Variants in ADAMTSL1 observed in about 807,000 individuals in gnomAD.
ADAMTSL1 encodes ADAMTS like 1.
ADAMTSL1 carries 126 observed loss-of-function variants against 201.8 expected under a neutral mutation model. The ratio of observed to expected loss-of-function variants is 0.62; its 90% CI spans 0.54 to 0.72. The LOEUF is 0.72. ADAMTSL1 is among the 30% of genes least tolerant of loss of function. The pLI, the probability that ADAMTSL1 is intolerant of heterozygous loss-of-function variation, is 0.00. For synonymous variants in ADAMTSL1, 1,121 were observed against 903.4 expected, an observed-to-expected ratio of 1.24 and a Z score of -4.32; for missense variants, 2,679 against 2,277.8, an observed-to-expected ratio of 1.18 and a Z score of -3.59.
At chr9:18,274,020 C>T (rs1267066983) in intron 2 of ADAMTSL1, among the ~76,000 whole-genome samples, 1 of 152,114 alleles carries the variant, frequency 6.6e-6, no homozygotes, top group African/African-American at 2.4e-5. Context: ...ATTTAAATGA[C>T]CTATTTAAAC....
chr9:17,908,765 C>A (rs1478283339), intron 1 of ADAMTSL1, among the ~76,000 whole-genome samples: 4 of 152,178 alleles, frequency 2.6e-5, no homozygotes, highest in Non-Finnish European at 2.9e-5. Flanking sequence ...GCCAATGTGA[C>A]TTGTTTTATA....
intron 2 of ADAMTSL1, among the ~76,000 whole-genome samples, chr9:18,394,319 C>T (rs2859767): frequency 0.16 from 23,841 of 152,090 alleles, 2,000 homozygotes; most frequent in South Asian, 0.24. Context: ...GGTTAGATGC[C>T]TAATTCCAAT....
chr9:17,970,642 T>C (rs1204426930), intron 1 of ADAMTSL1, among the ~76,000 whole-genome samples: 2 of 152,068 alleles, frequency 1.3e-5, no homozygotes, highest in Non-Finnish European at 2.9e-5. Flanking sequence ...TTCTACATGT[T>C]CCTCCTTACC....
intron 2 of ADAMTSL1, among the ~76,000 whole-genome samples, chr9:18,328,740 GTATAAC>G (rs1297716057): frequency 6.6e-6 from 1 of 152,174 alleles, no homozygotes; most frequent in Non-Finnish European, 1.5e-5. Flanking sequence ...GGAATAGTTT[GTATAAC>G]TATGAGTTTT....
At chr9:18,557,734 G>A (rs1198052089) in intron 3 of ADAMTSL1, among the ~76,000 whole-genome samples, 1 of 152,010 alleles carries the variant, frequency 6.6e-6, no homozygotes, top group Non-Finnish European at 1.5e-5. Context: ...GCTCTAGAAA[G>A]TGCCTTTTTC....
At chr9:18,820,927 G>C (rs1824172126) in intron 21 of ADAMTSL1, among the ~76,000 whole-genome samples, 1 of 152,188 alleles carries the variant, frequency 6.6e-6, no homozygotes, top group African/African-American at 2.4e-5. Context: ...GGTAGAAAGA[G>C]CATGCTGCAT....
exon 1 of ADAMTSL1, chr9:17,906,817 G>C (rs1012758652): frequency 6.6e-6 from 1 of 152,132 alleles, no homozygotes; most frequent in Non-Finnish European, 1.5e-5. Flanking sequence ...GACTCCCCTT[G>C]GTCCCCGCCA....
chr9:18,183,681 C>A (rs1350830776), intron 2 of ADAMTSL1, among the ~76,000 whole-genome samples: 1 of 152,134 alleles, frequency 6.6e-6, no homozygotes, highest in Non-Finnish European at 1.5e-5. Context: ...CACTACACAT[C>A]TATTAGAATG....
intron 1 of ADAMTSL1, among the ~76,000 whole-genome samples, chr9:18,077,966 C>A (rs758671703): frequency 2.6e-5 from 4 of 151,796 alleles, no homozygotes; most frequent in African/African-American, 9.7e-5. Flanking sequence ...GGGGTCTCAA[C>A]GAAGAAAGAG....
rs192306564 is a variant in ADAMTSL1 at position 18,521,870 on chromosome 9, C to T, written c.192-11377C>T. On this transcript the variant is annotated intron_variant, in intron 2 of 28. Transcript: ENST00000380548. ...AGATTAGAATATGGGACTTGTGAAA[C>T]CCACAGGGATGGCTTGTCATCTAAC... Among the ~76,000 whole-genome samples, 347 of 152,208 alleles carry T rather than the reference C, an allele frequency of 2.3e-3. 4 individuals are homozygous for T. Among genetic ancestry groups the T allele is most frequent in the South Asian group, 0.017 (83 of 4,828 alleles).
chr9:18,696,998 G>A (rs1447273481), intron 13 of ADAMTSL1, among the ~76,000 whole-genome samples: 2 of 151,452 alleles, frequency 1.3e-5, no homozygotes, highest in African/African-American at 4.9e-5. Context: ...TCCTGCCTCA[G>A]CCTCCCAAGT....
At chr9:18,878,576 G>A (rs1353584531) in intron 23 of ADAMTSL1, among the ~76,000 whole-genome samples, 1 of 152,216 alleles carries the variant, frequency 6.6e-6, no homozygotes, top group Non-Finnish European at 1.5e-5. Flanking sequence ...TCCCCAGTGA[G>A]GATGTGCATT....
chr9:18,680,680 C>A, intron 11 of ADAMTSL1, 164 bp downstream of exon 11: 1 of 678,958 alleles, frequency 1.5e-6, no homozygotes, highest in Non-Finnish European at 2.5e-6. Context: ...TCCAGCATGA[C>A]CAAAAGTAAA....
intron 2 of ADAMTSL1, among the ~76,000 whole-genome samples, chr9:18,276,547 G>T (rs1404280086): frequency 1.3e-5 from 2 of 152,176 alleles, no homozygotes; most frequent in Non-Finnish European, 2.9e-5. Flanking sequence ...GGGAATACCT[G>T]AGGCTTGCTA....
intron 4 of ADAMTSL1, among the ~76,000 whole-genome samples, chr9:18,621,064 T>C (rs748669276): frequency 6.6e-6 from 1 of 152,204 alleles, no homozygotes; most frequent in Non-Finnish European, 1.5e-5. Flanking sequence ...CAAGACGAAC[T>C]GTGAGGACTT....
At chr9:18,409,051 T>C (rs1007970811) in intron 2 of ADAMTSL1, among the ~76,000 whole-genome samples, 1 of 152,140 alleles carries the variant, frequency 6.6e-6, no homozygotes, top group Admixed American at 6.5e-5. Flanking sequence ...AGGAATATTA[T>C]TGATCATGTA....
intron 1 of ADAMTSL1, among the ~76,000 whole-genome samples, chr9:18,502,030 A>G (rs1053019137): frequency 6.6e-6 from 1 of 152,250 alleles, no homozygotes; most frequent in Non-Finnish European, 1.5e-5. Flanking sequence ...CTAGAAAAAC[A>G]AAATCACAAC....
intron 1 of ADAMTSL1, among the ~76,000 whole-genome samples, chr9:18,032,348 C>G (rs916592248): frequency 6.6e-6 from 1 of 152,190 alleles, no homozygotes; most frequent in African/African-American, 2.4e-5. Context: ...TGGGACTTAG[C>G]CCACAGCTTT....
chr9:18,435,148 T>A (rs2133424967), intron 2 of ADAMTSL1, among the ~76,000 whole-genome samples: 1 of 152,340 alleles, frequency 6.6e-6, no homozygotes, highest in South Asian at 2.1e-4. Flanking sequence ...CAAGAATCAT[T>A]TTTAGAAAGG....
Sources: allele counts gnomAD v4.1 joint callset (sites outside exome capture counted in the v4.1 genomes callset), GRCh38; gene constraint gnomAD v4.1.1; transcripts MANE v1.5; gene names NCBI Gene and HGNC (gene_info 2026-07-23, HGNC 2026-07-21).